Variants in EPHA4 observed in about 807,000 individuals in gnomAD.
EPHA4 encodes EPH receptor A4.
EPHA4 carries 19 observed loss-of-function variants against 108.3 expected under a neutral mutation model. The ratio of observed to expected loss-of-function variants is 0.18; its 90% CI spans 0.12 to 0.26. The LOEUF is 0.26. Ranked by LOEUF, EPHA4 falls within the 10% of genes least tolerant of loss-of-function variation. The pLI is 1.00. For synonymous variants in EPHA4, 449 were observed against 455.5 expected, an observed-to-expected ratio of 0.99 and a Z score of 0.18; for missense variants, 917 against 1,254.0, an observed-to-expected ratio of 0.73 and a Z score of 4.06.
chr2:221,503,700 A>G (rs369154272), intron 3 of EPHA4, among the ~76,000 whole-genome samples: 1 of 152,220 alleles, frequency 6.6e-6, no homozygotes, highest in East Asian at 1.9e-4. Flanking sequence ...TATAAAACAC[A>G]GGCAGAAAAT....
chr2:221,554,743 G>A (rs1158156356), intron 3 of EPHA4, among the ~76,000 whole-genome samples: 1 of 151,538 alleles, frequency 6.6e-6, no homozygotes, highest in East Asian at 1.9e-4. Context: ...GAAGATTGAT[G>A]TATTCGTTCA....
chr2:221,499,714 TA>T lies in EPHA4; in HGVS notation c.979+1302del, dbSNP rs1214760813. Reference sequence around the variant, plus strand: ...TAATAGTCATAATGATAACTAAAACTAATATATATATATATATATATATATA... The same window carrying T: ...TAATAGTCATAATGATAACTAAAACTATATATATATATATATATATATATA... On this transcript the variant is annotated intron_variant, in intron 4 of 17. Coordinates refer to ENST00000281821, the MANE Select transcript of EPHA4 (RefSeq NM_004438.5). Among the ~76,000 whole-genome samples the T allele has an allele frequency of 1.1e-3, 80 of 72,306 alleles. 1 individual carries two copies. Among genetic ancestry groups the T allele is most frequent in the Middle Eastern group, 0.017 (2 of 116 alleles). The allele number at this position is 72,306 out of a possible 152,430, so 47.4% of individuals were successfully genotyped here. A position where few individuals can be genotyped will look rare whatever the true frequency, so the allele number is the denominator to read the frequency against.
intron 3 of EPHA4, among the ~76,000 whole-genome samples, chr2:221,536,299 A>G (rs372460063): frequency 1.3e-5 from 2 of 152,130 alleles, no homozygotes; most frequent in South Asian, 4.1e-4. Context: ...ACAGTCTCCC[A>G]CCCTCTTGTA....
intron 3 of EPHA4, among the ~76,000 whole-genome samples, chr2:221,521,842 T>G (rs1307211665): frequency 6.6e-6 from 1 of 152,128 alleles, no homozygotes; most frequent in Non-Finnish European, 1.5e-5. Flanking sequence ...GTGGGCATGA[T>G]GGCACACGCC....
chr2:221,561,541 G>T (rs1694465099), intron 3 of EPHA4, among the ~76,000 whole-genome samples: 1 of 152,110 alleles, frequency 6.6e-6, no homozygotes, highest in African/African-American at 2.4e-5. Context: ...GAAATATCTG[G>T]CCTCATGTTA....
chr2:221,522,382 G>T (rs946084775), intron 3 of EPHA4, among the ~76,000 whole-genome samples: 1 of 152,208 alleles, frequency 6.6e-6, no homozygotes, highest in African/African-American at 2.4e-5. Flanking sequence ...TGACAAAGAC[G>T]AAGTTAAGCT....
At chr2:221,538,008 G>C (rs1031141116) in intron 3 of EPHA4, among the ~76,000 whole-genome samples, 2 of 152,168 alleles carry the variant, frequency 1.3e-5, no homozygotes, top group African/African-American at 2.4e-5. Flanking sequence ...AAAAAAAAAG[G>C]GGGGGTTATA....
Position 221,442,810 on chromosome 2 carries a change from A to G in EPHA4, c.2074+19T>C. ...CAGTAACTTCTAGCTTGGCTTTGTA[A>G]AGGGGGTGACCCACGTACATTTAGT... is the stretch of plus-strand genomic sequence containing the variant. On this transcript the variant is annotated intron_variant, in intron 11 of 17. Coordinates refer to ENST00000281821, the MANE Select transcript of EPHA4 (RefSeq NM_004438.5). 6.2e-7 allele frequency: 1 copy of G among 1,612,888 alleles called. No homozygotes were observed. The highest frequency in any genetic ancestry group is 8.5e-7 in the Non-Finnish European group (1 of 1,179,226).
chr2:221,456,260 T>A (rs1009227340), intron 7 of EPHA4, among the ~76,000 whole-genome samples: 4 of 152,154 alleles, frequency 2.6e-5, no homozygotes, highest in Non-Finnish European at 4.4e-5. Flanking sequence ...TCTTTAATCT[T>A]CTCAGGGAGA....
chr2:221,461,861 C>A (rs1691153873), intron 5 of EPHA4, among the ~76,000 whole-genome samples: 1 of 152,108 alleles, frequency 6.6e-6, no homozygotes. Context: ...CAAGTTCTCT[C>A]ATGGGTGATG....
intron 3 of EPHA4, among the ~76,000 whole-genome samples, chr2:221,519,776 C>A (rs1693103517): frequency 6.6e-6 from 1 of 152,116 alleles, no homozygotes; most frequent in African/African-American, 2.4e-5. Flanking sequence ...GGTTTAGAAA[C>A]AAAGAACATT....
intron 3 of EPHA4, among the ~76,000 whole-genome samples, chr2:221,534,011 A>T (rs997264626): frequency 2.6e-5 from 4 of 152,184 alleles, no homozygotes; most frequent in Admixed American, 1.3e-4. Flanking sequence ...GAAATAAAAT[A>T]TACATATAAG....
chr2:221,564,360 G>T lies in EPHA4; in HGVS notation c.194C>A (p.Thr65Lys), dbSNP rs965238814. Residue 65 changes from threonine (T) to lysine (K), a missense_variant, in exon 3 of 18, where the codon ACA becomes AAA. Around this residue, in one of 3 missense-constraint regions of EPHA4, gnomAD observed 758 missense variants for 1,076.7 expected, o/e 0.70. Transcript: ENST00000281821. ...EEVSIMDEKNTPIRTYQVCNV... is the reference protein window; with the variant it reads ...EEVSIMDEKNKPIRTYQVCNV... ...GCACACTTGGTAGGTTCGGATTGGT[G>T]TATTTTTTTCATCCATGATACTCAC... 4 of 1,612,816 alleles carry T rather than the reference G, an allele frequency of 2.5e-6. 1 individual carries two copies. In the South Asian group the frequency reaches 4.4e-5, roughly 18 times the overall value.
intron 13 of EPHA4, among the ~76,000 whole-genome samples, chr2:221,435,006 GT>G (rs1690187113): frequency 1.3e-5 from 2 of 152,108 alleles, no homozygotes; most frequent in South Asian, 4.1e-4. Flanking sequence ...TTATGCTTAG[GT>G]ATAAGGTATT....
intron 5 of EPHA4, among the ~76,000 whole-genome samples, chr2:221,465,513 T>C (rs1394514282): frequency 6.6e-6 from 1 of 152,198 alleles, no homozygotes; most frequent in Non-Finnish European, 1.5e-5. Context: ...GGCTAAGGCA[T>C]CCAAAACTGT....
intron 4 of EPHA4, among the ~76,000 whole-genome samples, chr2:221,491,265 TTGAG>T (rs1185497612): frequency 3.9e-5 from 6 of 152,340 alleles, no homozygotes; most frequent in Admixed American, 1.3e-4. Flanking sequence ...AAAAGTAGAA[TTGAG>T]TATTTCATTT....
intron 11 of EPHA4, among the ~76,000 whole-genome samples, chr2:221,437,710 G>A (rs1183325950): frequency 2.0e-5 from 3 of 148,886 alleles, no homozygotes; most frequent in East Asian, 2.0e-4. Flanking sequence ...TCAGGAGTTC[G>A]AGACAAGCCT....
At chr2:221,477,299 G>T (rs1691684321) in intron 5 of EPHA4, among the ~76,000 whole-genome samples, 1 of 152,156 alleles carries the variant, frequency 6.6e-6, no homozygotes, top group African/African-American at 2.4e-5. Flanking sequence ...TCAGCCACAG[G>T]CCAGCTCAAG....
intron 11 of EPHA4, among the ~76,000 whole-genome samples, chr2:221,438,411 T>C (rs921846930): frequency 6.6e-5 from 10 of 152,240 alleles, no homozygotes; most frequent in Non-Finnish European, 1.3e-4. Flanking sequence ...TTTGCTTTGT[T>C]TTGTTTTTTC....
Sources: allele counts gnomAD v4.1 joint callset (sites outside exome capture counted in the v4.1 genomes callset), GRCh38; gene constraint gnomAD v4.1.1; regional missense constraint gnomAD v4.1.1; transcripts MANE v1.5; gene names NCBI Gene and HGNC (gene_info 2026-07-23, HGNC 2026-07-21).